KIAA1958: variants seen among roughly 807,000 people sequenced by gnomAD.
KIAA1958 encodes the protein KIAA1958.
In KIAA1958, 14 loss-of-function variants were observed where a neutral mutation model predicts 47.2. That is an observed-to-expected ratio of 0.30 (90% CI 0.20 to 0.46). KIAA1958 has a LOEUF of 0.46. Among genes scored for constraint, KIAA1958 ranks in the 20% least tolerant of loss-of-function variants. KIAA1958 has a pLI of 1.00. For missense variants in KIAA1958, 803 were observed against 909.2 expected (o/e 0.88, Z 1.50); for synonymous variants, 354 against 353.3 (o/e 1.00, Z -0.02).
chr9:112,533,094 AAT>A (rs764236693), intron 1 of KIAA1958, among the ~76,000 whole-genome samples: 2 of 152,132 alleles, frequency 1.3e-5, no homozygotes, highest in South Asian at 2.1e-4. Context: ...AGATTTATAA[AAT>A]ATGTGTGTAT....
At chr9:112,653,688 G>A (rs1424007911) in intron 3 of KIAA1958, among the ~76,000 whole-genome samples, 1 of 152,152 alleles carries the variant, frequency 6.6e-6, no homozygotes, top group Non-Finnish European at 1.5e-5. Flanking sequence ...ATCACTTGAG[G>A]TCAGGAGTTA....
At chr9:112,619,784 C>G (rs1836468991) in intron 2 of KIAA1958, among the ~76,000 whole-genome samples, 1 of 151,982 alleles carries the variant, frequency 6.6e-6, no homozygotes, top group African/African-American at 2.4e-5. Context: ...AAAATGTTGC[C>G]AAGCATTAGA....
chr9:112,656,216 A>G (rs974669441), intron 3 of KIAA1958, among the ~76,000 whole-genome samples: 2 of 152,016 alleles, frequency 1.3e-5, no homozygotes, highest in African/African-American at 4.8e-5. Flanking sequence ...CTACTAAAAA[A>G]TACAAAAATT....
In KIAA1958 at chr9:112,574,130, G is replaced by T; in HGVS notation, c.50G>T (p.Ser17Ile). The T allele has an allele frequency of 2.5e-6, 4 of 1,612,410 alleles. No individual in the cohort carries two copies. Among genetic ancestry groups the T allele is most frequent in the Non-Finnish European group, 3.4e-6 (4 of 1,178,964 alleles). The change falls in exon 2 of 4, where the codon AGC (serine) becomes ATC (isoleucine). Residue 17 changes from serine (S) to isoleucine (I), a missense_variant. Coordinates refer to ENST00000337530, the MANE Select transcript of KIAA1958 (RefSeq NM_133465.4). ...TCTGAGAATCTGTCCAAATTGGTCA[G>T]CTGGGCCCATAGCCATGGGACTATT... ...TSSENLSKLVSWAHSHGTICS... is the reference protein window; with the variant it reads ...TSSENLSKLVIWAHSHGTICS...
At chr9:112,522,162 G>C (rs758425120) in intron 1 of KIAA1958, among the ~76,000 whole-genome samples, 2 of 152,004 alleles carry the variant, frequency 1.3e-5, no homozygotes, top group African/African-American at 2.4e-5. Flanking sequence ...GTAGAGACGA[G>C]GTTTCTCCTT....
At chr9:112,614,373 A>C (rs185969439) in intron 2 of KIAA1958, among the ~76,000 whole-genome samples, 2 of 152,226 alleles carry the variant, frequency 1.3e-5, no homozygotes, top group African/African-American at 4.8e-5. Flanking sequence ...AATTAATCAC[A>C]TGCACTTAAT....
intron 2 of KIAA1958, among the ~76,000 whole-genome samples, chr9:112,631,534 G>GAAAAA (rs57805823): frequency 8.1e-5 from 8 of 98,302 alleles, no homozygotes; most frequent in South Asian, 3.2e-4. Context: ...CTCTCTCAAA[G>GAAAAA]AAAAAAAAAA....
intron 1 of KIAA1958, among the ~76,000 whole-genome samples, chr9:112,561,789 A>T (rs1835336187): frequency 1.3e-5 from 2 of 152,208 alleles, no homozygotes; most frequent in Admixed American, 6.5e-5. Flanking sequence ...CAGCATGCAG[A>T]GGCTGCAGTG....
rs1229992040 is a variant in KIAA1958 at position 112,618,982 on chromosome 9, T to C, written c.1172-26668T>C. On this transcript the variant is annotated intron_variant, in intron 2 of 3. Coordinates refer to ENST00000337530, the MANE Select transcript of KIAA1958 (RefSeq NM_133465.4). The surrounding 1 kb of genome is among the most constrained non-coding windows in gnomAD (Gnocchi z 7.1). ...CGGAGAAACTGTGATTATACACCGC[T>C]TCTCGTTCCCCTTCCTGTGCCCTCA... The C allele has an allele frequency of 1.4e-6, 2 of 1,446,502 alleles. No individual in the cohort carries two copies. Among genetic ancestry groups the C allele is most frequent in the East Asian group, 2.5e-5 (1 of 39,818 alleles). The allele number at this position is 1,446,502 out of a possible 1,614,324, so 89.6% of individuals were successfully genotyped here.
intron 2 of KIAA1958, among the ~76,000 whole-genome samples, chr9:112,587,608 A>T (rs1343477826): frequency 6.6e-6 from 1 of 152,182 alleles, no homozygotes; most frequent in Non-Finnish European, 1.5e-5. Flanking sequence ...GACCATTATG[A>T]TACACCTATC....
chr9:112,658,881 G>T (rs947648922), intron 3 of KIAA1958, among the ~76,000 whole-genome samples: 3 of 149,244 alleles, frequency 2.0e-5, no homozygotes, highest in African/African-American at 7.3e-5. Context: ...TTAGCCGGGC[G>T]TGGTGGCGGG....
intron 3 of KIAA1958, among the ~76,000 whole-genome samples, chr9:112,652,841 C>G (rs1031809967): frequency 4.6e-5 from 7 of 152,122 alleles, no homozygotes; most frequent in African/African-American, 1.7e-4. Context: ...GGGCTGGTCT[C>G]AAACTCAACT....
intron 1 of KIAA1958, among the ~76,000 whole-genome samples, chr9:112,528,348 C>T (rs1208768212): frequency 1.3e-5 from 2 of 152,158 alleles, no homozygotes; most frequent in Non-Finnish European, 2.9e-5. Flanking sequence ...ATTTGCCTTT[C>T]TTTGCTCAGG....
At chr9:112,551,464 TGCTG>T (rs1455235213) in intron 1 of KIAA1958, among the ~76,000 whole-genome samples, 1 of 152,248 alleles carries the variant, frequency 6.6e-6, no homozygotes, top group African/African-American at 2.4e-5. Flanking sequence ...TCCTATTTAA[TGCTG>T]ATATAGCACA....
chr9:112,590,049 G>A (rs180821479), intron 2 of KIAA1958, among the ~76,000 whole-genome samples: 61 of 152,306 alleles, frequency 4.0e-4, no homozygotes, highest in African/African-American at 1.5e-3. Context: ...CTTGGATGCA[G>A]CCCCTGCATA....
chr9:112,616,665 C>T (rs1049364258), intron 2 of KIAA1958, among the ~76,000 whole-genome samples: 1 of 152,094 alleles, frequency 6.6e-6, no homozygotes, highest in Non-Finnish European at 1.5e-5. Flanking sequence ...TATTTCTATG[C>T]CTTCTTTAGG....
At chr9:112,512,899 A>G (rs927892045) in intron 1 of KIAA1958, among the ~76,000 whole-genome samples, 2 of 152,034 alleles carry the variant, frequency 1.3e-5, no homozygotes, top group Admixed American at 6.6e-5. Flanking sequence ...TTGCAGTGGC[A>G]CGATCTTGGC....
chr9:112,515,894 T>TTAA (rs1212561170), intron 1 of KIAA1958, among the ~76,000 whole-genome samples: 90 of 97,118 alleles, frequency 9.3e-4, no homozygotes, highest in African/African-American at 2.2e-3. Flanking sequence ...AAAAATAAAT[T>TTAA]AAAAAAAAAA....
chr9:112,572,762 C>T (rs773179900), intron 1 of KIAA1958, among the ~76,000 whole-genome samples: 1 of 152,134 alleles, frequency 6.6e-6, no homozygotes, highest in Non-Finnish European at 1.5e-5. Context: ...AGGCCATGGT[C>T]GTAGGAAATG....
Sources: allele counts gnomAD v4.1 joint callset (sites outside exome capture counted in the v4.1 genomes callset), GRCh38; gene constraint gnomAD v4.1.1; non-coding constraint Gnocchi (gnomAD v3.1); transcripts MANE v1.5; gene names NCBI Gene and HGNC (gene_info 2026-07-23, HGNC 2026-07-21).